The following THSD4 variants were observed in gnomAD, a reference collection of about 807,000 sequenced individuals.
THSD4 encodes thrombospondin type-1 domain-containing protein 4.
In THSD4, 69 loss-of-function variants were observed where a neutral mutation model predicts 119.0. The ratio of observed to expected loss-of-function variants is 0.58; its 90% CI spans 0.48 to 0.71. THSD4 has a LOEUF of 0.71. THSD4 is among the 30% of genes least tolerant of loss of function. The pLI, the probability that THSD4 is intolerant of heterozygous loss-of-function variation, is 0.00. For synonymous variants in THSD4, 524 were observed against 540.4 expected, an observed-to-expected ratio of 0.97 and a Z score of 0.42; for missense variants, 1,393 against 1,391.1, an observed-to-expected ratio of 1.00 and a Z score of -0.02.
intron 7 of THSD4, among the ~76,000 whole-genome samples, chr15:71,581,046 T>C (rs1026421567): frequency 2.0e-5 from 3 of 152,112 alleles, no homozygotes; most frequent in Non-Finnish European, 4.4e-5. Flanking sequence ...CTCTTCAAGG[T>C]AATGATTTCA....
chr15:71,714,276 G>T (rs12900381), intron 8 of THSD4, among the ~76,000 whole-genome samples: 81,771 of 151,864 alleles, frequency 0.54, 26,391 homozygotes, highest in East Asian at 0.8. Context: ...GTGTGTTGGG[G>T]GGGGAGGGGT....
At chr15:71,299,090 C>T (rs2044908009) in intron 6 of THSD4, among the ~76,000 whole-genome samples, 1 of 152,178 alleles carries the variant, frequency 6.6e-6, no homozygotes, top group East Asian at 1.9e-4. Context: ...ACAATAACCA[C>T]ATAGCAGAAT....
chr15:71,199,705 T>TGGGTGTGTG (rs2043768086), intron 3 of THSD4, among the ~76,000 whole-genome samples: 1 of 13,470 alleles, frequency 7.4e-5, no homozygotes, highest in Admixed American at 7.2e-4. Context: ...GTGTGGTGTC[T>TGGGTGTGTG]GGGTGTGTGG....
intron 4 of THSD4, among the ~76,000 whole-genome samples, chr15:71,228,307 C>T (rs2044034385): frequency 6.6e-6 from 1 of 152,026 alleles, no homozygotes; most frequent in African/African-American, 2.4e-5. Context: ...TAGCCACAGC[C>T]AAGGCATGCT....
intron 7 of THSD4, among the ~76,000 whole-genome samples, chr15:71,533,099 A>G (rs543139391): frequency 6.6e-5 from 10 of 152,346 alleles, no homozygotes; most frequent in East Asian, 3.9e-4. Flanking sequence ...AGTTTGATAA[A>G]ATAACCTCTA....
At chr15:71,332,263 T>C (rs1390574517) in intron 6 of THSD4, among the ~76,000 whole-genome samples, 2 of 152,208 alleles carry the variant, frequency 1.3e-5, no homozygotes, top group African/African-American at 4.8e-5. Flanking sequence ...CTGGAGCCGT[T>C]GGTCAATTTC....
chr15:71,612,321 G>T (rs905960365), intron 7 of THSD4, among the ~76,000 whole-genome samples: 1 of 152,198 alleles, frequency 6.6e-6, no homozygotes, highest in Admixed American at 6.5e-5. Flanking sequence ...ATCACCCCCC[G>T]GTGGGATTGA....
intron 14 of THSD4, among the ~76,000 whole-genome samples, chr15:71,754,821 A>G (rs2141188003): frequency 1.2e-5 from 1 of 81,984 alleles, no homozygotes; most frequent in African/African-American, 3.0e-5. Context: ...AACCCCAGAG[A>G]AGCAGTTAGA....
At chr15:71,750,568 G>A (rs756108429) in intron 14 of THSD4, among the ~76,000 whole-genome samples, 22 of 152,198 alleles carry the variant, frequency 1.4e-4, no homozygotes, top group Non-Finnish European at 2.6e-4. Context: ...ATCTTCTTGT[G>A]TGTTCCCCAC....
At chr15:71,602,602 A>G (rs1374717755) in intron 7 of THSD4, among the ~76,000 whole-genome samples, 1 of 149,030 alleles carries the variant, frequency 6.7e-6, no homozygotes, top group African/African-American at 2.5e-5. Flanking sequence ...AACAGTCTCT[A>G]TCCCCACAGC....
chr15:71,302,477 C>G (rs1005547113), intron 6 of THSD4, among the ~76,000 whole-genome samples: 2 of 152,112 alleles, frequency 1.3e-5, no homozygotes, highest in African/African-American at 4.8e-5. Flanking sequence ...AGAGCCGGCC[C>G]CATTTCTGCC....
rs377513178 is a variant in THSD4, at chr15:71,780,006, G to A, written c.*2632G>A. 7 of 152,136 alleles carry A rather than the reference G, an allele frequency of 4.6e-5. No individual in the cohort carries two copies. The highest frequency in any genetic ancestry group is 1.4e-4 in the African/African-American group (6 of 41,430). The allele number at this position is 152,136 out of a possible 1,614,324, so 9.4% of individuals were successfully genotyped here. ...TAGTTTTTTATTTCAGCATCTGAAT[G>A]TCTTTCTCCCTAGCACAGTGCATAC... On this transcript the variant is annotated 3_prime_UTR_variant, in exon 18 of 18. Transcript: ENST00000261862.
At chr15:71,408,377 C>T (rs1056315364) in intron 6 of THSD4, among the ~76,000 whole-genome samples, 1 of 152,034 alleles carries the variant, frequency 6.6e-6, no homozygotes, top group Non-Finnish European at 1.5e-5. Flanking sequence ...GGACTACAGG[C>T]GTGCACCCTC....
At chr15:71,174,640 C>T (rs1432389809) in intron 3 of THSD4, among the ~76,000 whole-genome samples, 4 of 99,330 alleles carry the variant, frequency 4.0e-5, no homozygotes, top group African/African-American at 1.3e-4. Context: ...CCCACCACAG[C>T]TCAAGGAGGC....
At chr15:71,749,452 T>C (rs1440149929) in intron 14 of THSD4, among the ~76,000 whole-genome samples, 1 of 152,186 alleles carries the variant, frequency 6.6e-6, no homozygotes, top group Non-Finnish European at 1.5e-5. Flanking sequence ...GTCCAGATTC[T>C]GGATTCTCTA....
At position 71,101,376 on chromosome 15, in the gene THSD4, G is replaced by A. The variant is rs371754126; in HGVS notation, c.-80+4370G>A. ...GGTACCTTTGGCATCCCCTGTTTAC[G>A]TAGTCATCATAGTATTATGTATTAT... On this transcript the variant is annotated intron_variant, in intron 1 of 17. Coordinates refer to the THSD4 transcript ENST00000355327. Among the ~76,000 whole-genome samples the A allele has an allele frequency of 1.9e-3, 293 of 152,226 alleles. 1 individual carries two copies. Among genetic ancestry groups the A allele is most frequent in the Admixed American group, 4.3e-3 (66 of 15,290 alleles).
chr15:71,253,562 CA>C (rs1025738573), intron 5 of THSD4, among the ~76,000 whole-genome samples: 1 of 152,036 alleles, frequency 6.6e-6, no homozygotes, highest in Non-Finnish European at 1.5e-5. Context: ...TGCATGCCAC[CA>C]TGCCCGGCTA....
chr15:71,152,480 A>T (rs187276419), intron 2 of THSD4, among the ~76,000 whole-genome samples: 2 of 152,058 alleles, frequency 1.3e-5, no homozygotes, highest in Admixed American at 1.3e-4. Flanking sequence ...AAACATTTTG[A>T]TCTCTCATCC....
chr15:71,346,868 C>CTTTTTTTTTTTTTTTTT (rs71154763), intron 6 of THSD4, among the ~76,000 whole-genome samples: 1 of 86,010 alleles, frequency 1.2e-5, no homozygotes, highest in Non-Finnish European at 2.0e-5. Flanking sequence ...TTTTCATTTT[C>CTTTTTTTTTTTTTTTTT]TTTTTTTTTT....
Sources: gnomAD v4.1 joint callset for allele counts (sites outside exome capture counted in the v4.1 genomes callset) on GRCh38, gnomAD v4.1.1 for gene constraint, MANE v1.5 for transcripts, NCBI Gene and HGNC (gene_info 2026-07-23, HGNC 2026-07-21) for gene names.